SCG3: variants seen among roughly 807,000 people sequenced by gnomAD.
SCG3 encodes secretogranin III, also known as secretogranin-3.
A neutral mutation model predicts 56.2 loss-of-function variants in SCG3; 38 were observed. That is an observed-to-expected ratio of 0.68 (90% CI 0.52 to 0.89). The LOEUF (loss-of-function observed/expected upper bound fraction) is 0.89. Ranked by LOEUF, SCG3 falls within the 40% of genes least tolerant of loss-of-function variation. The pLI is 0.00. For missense variants in SCG3, 524 were observed against 540.7 expected, an observed-to-expected ratio of 0.97 and a Z score of 0.31; for synonymous variants, 176 against 184.2, an observed-to-expected ratio of 0.96 and a Z score of 0.36.
intron 6 of SCG3, 135 bp downstream of exon 6, chr15:51,689,503 A>C: frequency 8.7e-7 from 1 of 1,150,544 alleles, no homozygotes; most frequent in Non-Finnish European, 1.2e-6. Flanking sequence ...TTTTTAGCCC[A>C]TTTATATTCA....
intron 10 of SCG3, among the ~76,000 whole-genome samples, 200 bp downstream of exon 10, chr15:51,701,444 T>C (rs536557558): frequency 1.7e-4 from 26 of 152,352 alleles, no homozygotes; most frequent in Non-Finnish European, 3.5e-4. Flanking sequence ...GATGGCAAAC[T>C]GATTTCATCT....
At chr15:51,703,127 G>A (rs187593551) in intron 10 of SCG3, among the ~76,000 whole-genome samples, 1 of 152,252 alleles carries the variant, frequency 6.6e-6, no homozygotes, top group African/African-American at 2.4e-5. Flanking sequence ...CAATGAATAG[G>A]TAGACTTTTT....
intron 10 of SCG3, among the ~76,000 whole-genome samples, chr15:51,712,312 T>C (rs2055425638): frequency 6.6e-6 from 1 of 152,172 alleles, no homozygotes; most frequent in East Asian, 1.9e-4. Flanking sequence ...TCTGCAGCTA[T>C]TGCTTCTGCA....
chr15:51,718,199 TAGACAGACAGACAGACAGAC>T (rs3078130), intron 11 of SCG3, among the ~76,000 whole-genome samples: 1 of 148,886 alleles, frequency 6.7e-6, no homozygotes, highest in Non-Finnish European at 1.5e-5. Flanking sequence ...GATAGATAGA[TAGACAGACAGACAGACAGAC>T]AGACAGACAG....
intron 11 of SCG3, among the ~76,000 whole-genome samples, chr15:51,717,704 G>A (rs559312482): frequency 1.3e-5 from 2 of 152,326 alleles, no homozygotes; most frequent in South Asian, 4.1e-4. Context: ...TGGAGCTGGG[G>A]TGCAACACCC....
chr15:51,705,912 A>G (rs1378247583), intron 10 of SCG3, among the ~76,000 whole-genome samples: 1 of 152,166 alleles, frequency 6.6e-6, no homozygotes, highest in Non-Finnish European at 1.5e-5. Context: ...GCTATTGTTC[A>G]GAGATGTAAT....
In SCG3 at chr15:51,720,664, G is replaced by A. The variant is rs1001339069; in HGVS notation, c.*1138G>A. The A allele has an allele frequency of 6.6e-6, 1 of 152,240 alleles. No individual in the cohort carries two copies. Among genetic ancestry groups the A allele is most frequent in the Non-Finnish European group, 1.5e-5 (1 of 68,092 alleles). 9.4% of individuals were successfully genotyped at this position (152,240 alleles called of 1,614,324 possible). ...AGCTGGACTTCCTGGGTCGAGTGGGGCCTTGGAGAACTTTTCTGTCTTACA... is the reference window on the plus strand; with the variant it reads ...AGCTGGACTTCCTGGGTCGAGTGGGACCTTGGAGAACTTTTCTGTCTTACA... On this transcript the variant is annotated 3_prime_UTR_variant, in exon 12 of 12. Transcript: ENST00000220478.
intron 4 of SCG3, among the ~76,000 whole-genome samples, chr15:51,684,335 CAGCCAATGTGGT>C (rs1393152573): frequency 1.3e-5 from 2 of 152,188 alleles, no homozygotes; most frequent in Admixed American, 1.3e-4. Context: ...CTTCATTTGG[CAGCCAATGTGGT>C]AGTTTCCTTA....
intron 10 of SCG3, among the ~76,000 whole-genome samples, chr15:51,706,463 C>T (rs904177706): frequency 2.0e-5 from 3 of 152,060 alleles, no homozygotes; most frequent in Admixed American, 6.6e-5. Flanking sequence ...CCCTTCAGGA[C>T]GGAAAGCTGG....
chr15:51,689,119 C>G, intron 5 of SCG3, 100 bp from the exon 6 acceptor site: 1 of 1,294,372 alleles, frequency 7.7e-7, no homozygotes, highest in South Asian at 1.4e-5. Context: ...GAAGATTCCT[C>G]TTTAAAAAAT....
chr15:51,691,702 A>T (rs2055267796), intron 6 of SCG3, among the ~76,000 whole-genome samples: 1 of 152,234 alleles, frequency 6.6e-6, no homozygotes, highest in African/African-American at 2.4e-5. Flanking sequence ...GACAGCACTT[A>T]AACTTTACCC....
chr15:51,703,884 C>T (rs1488264709), intron 10 of SCG3, among the ~76,000 whole-genome samples: 1 of 152,062 alleles, frequency 6.6e-6, no homozygotes, highest in Non-Finnish European at 1.5e-5. Context: ...TAGACCATCA[C>T]AATTTTTTCC....
At chr15:51,711,328 C>T (rs2055419303) in intron 10 of SCG3, among the ~76,000 whole-genome samples, 1 of 152,140 alleles carries the variant, frequency 6.6e-6, no homozygotes, top group African/African-American at 2.4e-5. Context: ...TGTGGTTTTC[C>T]TTATCCCAAA....
intron 8 of SCG3, among the ~76,000 whole-genome samples, chr15:51,698,622 T>C (rs2141569057): frequency 6.6e-6 from 1 of 152,338 alleles, no homozygotes; most frequent in South Asian, 2.1e-4. Flanking sequence ...GATGGGATAG[T>C]CTGGCTTTGG....
chr15:51,711,078 G>A (rs922867976), intron 10 of SCG3, among the ~76,000 whole-genome samples: 1 of 152,202 alleles, frequency 6.6e-6, no homozygotes, highest in African/African-American at 2.4e-5. Flanking sequence ...TTCAGCATGG[G>A]CGACTAGAGC....
chr15:51,709,701 A>ATATTTTTTTTTT (rs2055404633), intron 10 of SCG3, among the ~76,000 whole-genome samples: 1 of 22,966 alleles, frequency 4.4e-5, no homozygotes, highest in Non-Finnish European at 6.5e-5. Context: ...ATATATATAT[A>ATATTTTTTTTTT]TTTTTTTTTT....
chr15:51,696,368 G>A (rs2055303695), intron 8 of SCG3, among the ~76,000 whole-genome samples: 2 of 152,084 alleles, frequency 1.3e-5, no homozygotes, highest in Admixed American at 6.5e-5. Context: ...TGGCCAACAT[G>A]GTGAAATGCT....
chr15:51,686,834 C>T lies in SCG3; in HGVS notation c.398-1426C>T, dbSNP rs185266982. On this transcript the variant is annotated intron_variant, in intron 4 of 11. Coordinates refer to ENST00000220478, the MANE Select transcript of SCG3 (RefSeq NM_013243.4). ...TTTGTACTGACAGAGAACTTCCAGT[C>T]CTCCATGTATAATTACCCCCACTCA... is the stretch of plus-strand genomic sequence containing the variant. Among the ~76,000 whole-genome samples, 161 of 152,232 alleles carry T rather than the reference C, an allele frequency of 1.1e-3. 1 individual carries two copies. In the Middle Eastern group the frequency reaches 0.034, roughly 32 times the overall value.
intron 11 of SCG3, among the ~76,000 whole-genome samples, chr15:51,716,803 A>G (rs887079829): frequency 2.0e-5 from 3 of 152,236 alleles, no homozygotes; most frequent in African/African-American, 7.2e-5. Flanking sequence ...CTCAGACACC[A>G]CAGGGTGAGG....
Sources: gnomAD v4.1 joint callset for allele counts (sites outside exome capture counted in the v4.1 genomes callset) on GRCh38, gnomAD v4.1.1 for gene constraint, MANE v1.5 for transcripts, NCBI Gene and HGNC (gene_info 2026-07-23, HGNC 2026-07-21) for gene names.